SLC5A12: variants seen among roughly 807,000 people sequenced by gnomAD.
SLC5A12 encodes the protein sodium-coupled monocarboxylate transporter 2.
In SLC5A12, 46 loss-of-function variants were observed where a neutral mutation model predicts 72.7. That is an observed-to-expected ratio of 0.63 (90% confidence interval 0.50 to 0.81). The LOEUF is 0.81. Ranked by LOEUF, SLC5A12 falls within the 30% of genes least tolerant of loss-of-function variation. The probability of loss-of-function intolerance (pLI) is 0.00; values close to 1 mark genes in which losing one functional copy is unlikely to be tolerated. For synonymous variants in SLC5A12, 275 were observed against 264.4 expected (o/e 1.04, Z -0.39); for missense variants, 683 against 740.7 (o/e 0.92, Z 0.90).
chr11:26,718,648 GT>G, intron 1 of SLC5A12, among the ~76,000 whole-genome samples: 1 of 150,966 alleles, frequency 6.6e-6, no homozygotes, highest in Non-Finnish European at 1.5e-5. Flanking sequence ...GTGTGTGTGT[GT>G]GTGTGTGTGT....
chr11:26,678,342 T>A (rs148193104), intron 13 of SLC5A12, among the ~76,000 whole-genome samples: 4 of 151,972 alleles, frequency 2.6e-5, no homozygotes, highest in African/African-American at 4.8e-5. Context: ...AAATAATATA[T>A]GGGAAATGTT....
At chr11:26,680,383 G>GAAT (rs550191069) in intron 12 of SLC5A12, among the ~76,000 whole-genome samples, 33 of 94,456 alleles carry the variant, frequency 3.5e-4, no homozygotes, top group African/African-American at 1.2e-3. Flanking sequence ...ATATATATAT[G>GAAT]TATATATATT....
chr11:26,680,043 G>A (rs559681721), intron 12 of SLC5A12, among the ~76,000 whole-genome samples: 5 of 151,930 alleles, frequency 3.3e-5, no homozygotes, highest in Admixed American at 1.3e-4. Flanking sequence ...AAGATATGCC[G>A]GACCGAGAGA....
At chr11:26,675,969 C>CTGTG (rs10695732) in intron 13 of SLC5A12, among the ~76,000 whole-genome samples, 24 of 150,718 alleles carry the variant, frequency 1.6e-4, no homozygotes, top group African/African-American at 2.4e-4. Context: ...GTGCATGTAT[C>CTGTG]TGTGTGTGTG....
intron 6 of SLC5A12, among the ~76,000 whole-genome samples, chr11:26,701,531 T>C (rs911927535): frequency 7.2e-5 from 11 of 152,208 alleles, no homozygotes; most frequent in Non-Finnish European, 1.5e-4. Context: ...AGGAATGGGA[T>C]TGTGTTCATT....
In SLC5A12 at chr11:26,669,195, C is replaced by CTTTCTT. The variant is rs1854076877; in HGVS notation, c.*1901_*1906dup. ...TCTTTCTTTCTTTCTTCTTTTCTTT[C>CTTTCTT]TTTCTTTCTTTCTTTCTTTCTTTCT... On this transcript the variant is annotated 3_prime_UTR_variant, in exon 15 of 15. Coordinates refer to ENST00000396005, the MANE Select transcript of SLC5A12 (RefSeq NM_178498.4). The CTTTCTT allele has an allele frequency of 1.4e-5, 1 of 69,770 alleles. No individual in the cohort carries two copies. The highest frequency in any genetic ancestry group is 3.8e-5 in the African/African-American group (1 of 26,052). The allele number at this position is 69,770 out of a possible 1,614,324, so 4.3% of individuals were successfully genotyped here. A position where few individuals can be genotyped will look rare whatever the true frequency, so the allele number is the denominator to read the frequency against.
At chr11:26,689,226 T>C (rs140014220) in intron 9 of SLC5A12, among the ~76,000 whole-genome samples, 3,973 of 151,988 alleles carry the variant, frequency 0.026, 124 homozygotes, top group Admixed American at 0.086. Context: ...TGAAACCCCG[T>C]TTCTACTAAA....
At position 26,669,887 on chromosome 11, in the gene SLC5A12, C is replaced by T. The variant is rs1854098752; in HGVS notation, c.*1215G>A. 6.6e-6 allele frequency: 1 copy of T among 152,072 alleles called. No individual in the cohort carries two copies. Among genetic ancestry groups the T allele is most frequent in the African/African-American group, 2.4e-5 (1 of 41,416 alleles). 9.4% of individuals were successfully genotyped at this position (152,072 alleles called of 1,614,324 possible). Reference sequence around the variant, plus strand: ...ATCTGACACCTGTCCTAATATATGACTCTCAGATACAACTTTGTTTCTTAT... The same window carrying T: ...ATCTGACACCTGTCCTAATATATGATTCTCAGATACAACTTTGTTTCTTAT... On this transcript the variant is annotated 3_prime_UTR_variant, in exon 15 of 15. Transcript: ENST00000396005.
intron 8 of SLC5A12, among the ~76,000 whole-genome samples, chr11:26,693,045 G>T (rs549570742): frequency 6.6e-6 from 1 of 152,212 alleles, no homozygotes; most frequent in South Asian, 2.1e-4. Context: ...TTCATTCTGG[G>T]TATCAAGCAT....
At position 26,686,611 on chromosome 11, in the gene SLC5A12, C is replaced by T. The variant is rs1031190099; in HGVS notation, c.1154-67G>A. 1.3e-5 allele frequency: 18 copies of T among 1,375,436 alleles called. No homozygotes were observed. In the African/African-American group the frequency reaches 1.4e-4, roughly 11 times the overall value. The allele number at this position is 1,375,436 out of a possible 1,614,324, so 85.2% of individuals were successfully genotyped here. On this transcript the variant is annotated intron_variant, in intron 9 of 14. Coordinates refer to ENST00000396005, the MANE Select transcript of SLC5A12 (RefSeq NM_178498.4). ...TCCTGACTTCAAGGGATGCCTTGAG[C>T]CCCCACTCAGAACTGTCTCTGATCC...
intron 6 of SLC5A12, among the ~76,000 whole-genome samples, chr11:26,699,827 T>C (rs1226725456): frequency 2.6e-5 from 4 of 152,214 alleles, no homozygotes; most frequent in African/African-American, 7.2e-5. Flanking sequence ...TGAAATTCTA[T>C]ATTTATTCAT....
At chr11:26,694,413 C>A (rs1231307527) in intron 8 of SLC5A12, among the ~76,000 whole-genome samples, 1 of 152,014 alleles carries the variant, frequency 6.6e-6, no homozygotes, top group Non-Finnish European at 1.5e-5. Context: ...AGAGAGTGAG[C>A]CTCAGAGTAA....
At chr11:26,704,214 G>A (rs1855031851) in intron 4 of SLC5A12, among the ~76,000 whole-genome samples, 1 of 152,120 alleles carries the variant, frequency 6.6e-6, no homozygotes, top group Non-Finnish European at 1.5e-5. Context: ...TAAAAATGTG[G>A]AAAGTGCAAT....
intron 7 of SLC5A12, among the ~76,000 whole-genome samples, chr11:26,698,110 C>T (rs1221941728): frequency 6.6e-6 from 1 of 151,916 alleles, no homozygotes; most frequent in Admixed American, 6.6e-5. Flanking sequence ...GTTGGCCAGA[C>T]TGGTCTCGAA....
intron 8 of SLC5A12, among the ~76,000 whole-genome samples, chr11:26,693,099 G>T (rs1854723103): frequency 6.6e-6 from 1 of 152,130 alleles, no homozygotes; most frequent in Non-Finnish European, 1.5e-5. Flanking sequence ...CTCTAACTGG[G>T]ACACAAACAT....
chr11:26,683,978 T>A, intron 10 of SLC5A12, 135 bp from the exon 11 acceptor site: 1 of 627,984 alleles, frequency 1.6e-6, no homozygotes, highest in Non-Finnish European at 2.8e-6. Flanking sequence ...ATGTGCTTTC[T>A]ATAAGTCATT....
In SLC5A12 at chr11:26,700,258, G is replaced by T. The variant is rs1854925536; in HGVS notation, c.822-1723C>A. Among the ~76,000 whole-genome samples, 3 of 152,282 alleles carry T rather than the reference G, an allele frequency of 2.0e-5. No individual in the cohort carries two copies. The East Asian group carries it at 5.8e-4, about 29-fold the overall frequency. The stretch of plus-strand genomic sequence containing the variant: ...GTCAACTATGTGAAATGAGAAACCA[G>T]TGGAAATAGAATATTAAAGTCATTG... On this transcript the variant is annotated intron_variant, in intron 6 of 14. Transcript: ENST00000396005.
Position 26,697,234 on chromosome 11 carries a change from T to G in SLC5A12, c.970A>C (p.Met324Leu). 1 of 1,611,504 alleles carries G rather than the reference T, an allele frequency of 6.2e-7. No individual in the cohort carries two copies. Among genetic ancestry groups the G allele is most frequent in the Non-Finnish European group, 8.5e-7 (1 of 1,179,382 alleles). ...CCTGGCATTGTGGCAAATATCTCCA[T>G]GACAAAGTACGGCATCAGCTGAAGA... ...APDQLMPYFV[M>L]EIFATMPGLP... Residue 324 changes from methionine (M) to leucine (L), a missense_variant, in exon 8 of 15, where the codon ATG (methionine) becomes CTG (leucine). Met to Leu is a conservative substitution (Grantham distance 15). Coordinates refer to ENST00000396005, the MANE Select transcript of SLC5A12 (RefSeq NM_178498.4).
At chr11:26,706,382 ACAGAG>A (rs1300008726) in intron 4 of SLC5A12, among the ~76,000 whole-genome samples, 4 of 152,186 alleles carry the variant, frequency 2.6e-5, no homozygotes, top group East Asian at 3.9e-4. Context: ...GATTAATCTG[ACAGAG>A]GTATGCAGGG....
Sources: gnomAD v4.1 joint callset for allele counts (sites outside exome capture counted in the v4.1 genomes callset) on GRCh38, gnomAD v4.1.1 for gene constraint, MANE v1.5 for transcripts, NCBI Gene and HGNC (gene_info 2026-07-23, HGNC 2026-07-21) for gene names.